The following MAP4K3 variants were observed in gnomAD, a reference collection of about 807,000 sequenced individuals.
The protein encoded by MAP4K3 is mitogen-activated protein kinase kinase kinase kinase 3.
In MAP4K3, 94 loss-of-function variants were observed where a neutral mutation model predicts 143.5. The ratio of observed to expected loss-of-function variants is 0.65; its 90% confidence interval spans 0.55 to 0.78. The LOEUF is 0.78. Ranked by LOEUF, MAP4K3 falls within the 30% of genes least tolerant of loss-of-function variation. The probability of loss-of-function intolerance (pLI) is 0.00; values close to 1 mark genes in which losing one functional copy is unlikely to be tolerated. For missense variants in MAP4K3, 1,077 were observed against 1,068.1 expected, an observed-to-expected ratio of 1.01 and a Z score of -0.12; for synonymous variants, 416 against 347.2, an observed-to-expected ratio of 1.20 and a Z score of -2.20.
At chr2:39,313,843 T>C (rs1683025621) in intron 13 of MAP4K3, among the ~76,000 whole-genome samples, 1 of 152,082 alleles carries the variant, frequency 6.6e-6, no homozygotes, top group South Asian at 2.1e-4. Context: ...AGCATACACA[T>C]GCATATGCAC....
At chr2:39,364,535 G>C (rs1665865576) in intron 2 of MAP4K3, among the ~76,000 whole-genome samples, 1 of 152,156 alleles carries the variant, frequency 6.6e-6, no homozygotes. Context: ...AAAGTGGTTG[G>C]TTTTACACAT....
In MAP4K3 at chr2:39,254,477, C is replaced by T; in HGVS notation, c.2514G>A (p.Met838Ile). ...CATTAGATCTAAAACTTCTACCTTGCATTCCATGTTTCCAGAAAGCTAGCA... is the reference window on the plus strand; with the variant it reads ...CATTAGATCTAAAACTTCTACCTTGTATTCCATGTTTCCAGAAAGCTAGCA... ...DSVLAFWKHG[M>I]QGRSFRSNEV... is the part of the protein sequence containing the mutation. Residue 838 changes from methionine (M) to isoleucine (I), a missense_variant, in exon 32 of 34, where the codon ATG (methionine) becomes ATA (isoleucine). Transcript: ENST00000263881. The T allele has an allele frequency of 1.9e-6, 3 of 1,613,922 alleles. No individual in the cohort carries two copies. The highest frequency in any genetic ancestry group is 1.1e-5 in the South Asian group (1 of 91,042).
At chr2:39,432,084 G>A (rs912065338) in intron 1 of MAP4K3, among the ~76,000 whole-genome samples, 1 of 152,176 alleles carries the variant, frequency 6.6e-6, no homozygotes, top group Non-Finnish European at 1.5e-5. Flanking sequence ...TTATGTTCCT[G>A]TAAATACCAA....
intron 1 of MAP4K3, among the ~76,000 whole-genome samples, chr2:39,389,097 T>G (rs989797509): frequency 6.6e-6 from 1 of 152,158 alleles, no homozygotes; most frequent in Non-Finnish European, 1.5e-5. Context: ...AGGACAGATT[T>G]TTTAAAAGTT....
intron 19 of MAP4K3, among the ~76,000 whole-genome samples, chr2:39,289,708 G>T (rs1359724315): frequency 6.6e-6 from 1 of 152,202 alleles, no homozygotes; most frequent in Non-Finnish European, 1.5e-5. Context: ...AGAAATGTGA[G>T]TTTTCTAACC....
At chr2:39,257,771 C>A (rs1169085414) in intron 31 of MAP4K3, among the ~76,000 whole-genome samples, 1 of 146,556 alleles carries the variant, frequency 6.8e-6, no homozygotes, top group African/African-American at 2.5e-5. Context: ...TGCACTCCAG[C>A]CTGGGTGGCA....
Position 39,391,074 on chromosome 2 carries a change from G to C in MAP4K3, c.97-12951C>G, listed in dbSNP as rs376597127. ...AGTATTAGAAATAATACATACTATA[G>C]GCCGGGCGCGGTGGCTCAAGCCTGT... On this transcript the variant is annotated intron_variant, in intron 1 of 33. Transcript: ENST00000263881. 2.4e-4 allele frequency among the ~76,000 whole-genome samples: 37 copies of C among 152,194 alleles called. 1 individual carries two copies. Among genetic ancestry groups the C allele is most frequent in the East Asian group, 1.5e-3 (8 of 5,180 alleles).
chr2:39,351,145 G>A (rs1320869675), intron 3 of MAP4K3, among the ~76,000 whole-genome samples: 2 of 152,072 alleles, frequency 1.3e-5, no homozygotes, highest in South Asian at 2.1e-4. Context: ...CTGGGGTTCC[G>A]GAACCAATCT....
chr2:39,320,441 T>C (rs576567015), intron 12 of MAP4K3, among the ~76,000 whole-genome samples: 9 of 152,258 alleles, frequency 5.9e-5, no homozygotes, highest in Non-Finnish European at 1.0e-4. Flanking sequence ...CAAGCCTAGT[T>C]CCAATAATGG....
intron 1 of MAP4K3, among the ~76,000 whole-genome samples, chr2:39,395,906 C>G (rs1666791614): frequency 6.6e-6 from 1 of 152,046 alleles, no homozygotes; most frequent in Non-Finnish European, 1.5e-5. Flanking sequence ...CTTCAGTATA[C>G]AAAAGACTAG....
chr2:39,387,383 C>T (rs1236696210), intron 1 of MAP4K3, among the ~76,000 whole-genome samples: 1 of 152,174 alleles, frequency 6.6e-6, no homozygotes, highest in South Asian at 2.1e-4. Flanking sequence ...GCAGGTGTCT[C>T]TGTTTATTTA....
chr2:39,421,364 G>C (rs1363163042), intron 1 of MAP4K3, among the ~76,000 whole-genome samples: 1 of 129,612 alleles, frequency 7.7e-6, no homozygotes, highest in South Asian at 2.6e-4. Flanking sequence ...TTATTGACTT[G>C]GGCATTTTTT....
intron 1 of MAP4K3, among the ~76,000 whole-genome samples, chr2:39,429,926 T>C (rs1572519080): frequency 6.6e-6 from 1 of 152,332 alleles, no homozygotes; most frequent in East Asian, 1.9e-4. Flanking sequence ...CAACTGATTT[T>C]CATCAAAAGT....
intron 1 of MAP4K3, among the ~76,000 whole-genome samples, chr2:39,391,381 A>AG (rs35878208): frequency 2.9e-5 from 4 of 137,978 alleles, no homozygotes; most frequent in African/African-American, 1.0e-4. Context: ...AAAAAAAAAA[A>AG]GAAAGAAAGA....
chr2:39,367,028 G>A (rs1347652464), intron 2 of MAP4K3, among the ~76,000 whole-genome samples: 6 of 152,004 alleles, frequency 3.9e-5, no homozygotes, highest in Non-Finnish European at 7.4e-5. Context: ...AGCAATATTT[G>A]TATTTTTTTC....
intron 1 of MAP4K3, among the ~76,000 whole-genome samples, chr2:39,420,070 C>T (rs546271690): frequency 2.0e-5 from 3 of 152,174 alleles, no homozygotes; most frequent in Admixed American, 6.5e-5. Context: ...GGAGTATGAA[C>T]CCCCTGGCCT....
intron 26 of MAP4K3, among the ~76,000 whole-genome samples, chr2:39,269,373 TA>T (rs1680916441): frequency 6.6e-6 from 1 of 151,992 alleles, no homozygotes; most frequent in African/African-American, 2.4e-5. Flanking sequence ...GAGTCCTTAC[TA>T]TGTGCCATGC....
intron 18 of MAP4K3, among the ~76,000 whole-genome samples, chr2:39,291,143 A>G (rs190463926): frequency 6.6e-6 from 1 of 152,354 alleles, no homozygotes; most frequent in East Asian, 1.9e-4. Context: ...GAATGTTCCA[A>G]CACAAAGAAA....
chr2:39,257,538 C>T (rs1021009744), intron 31 of MAP4K3, among the ~76,000 whole-genome samples: 12 of 152,126 alleles, frequency 7.9e-5, no homozygotes, highest in Non-Finnish European at 1.2e-4. Flanking sequence ...CGGTGGCTCA[C>T]GCCTGTAATC....
Sources: allele counts gnomAD v4.1 joint callset (sites outside exome capture counted in the v4.1 genomes callset), GRCh38; gene constraint gnomAD v4.1.1; transcripts MANE v1.5; gene names NCBI Gene and HGNC (gene_info 2026-07-23, HGNC 2026-07-21).